The following PHYH variants were observed in gnomAD, a reference collection of about 807,000 sequenced individuals.
PHYH encodes phytanoyl-CoA 2-hydroxylase, also known as phytanoyl-CoA dioxygenase, peroxisomal.
A neutral mutation model predicts 38.5 loss-of-function variants in PHYH; 32 were observed. The observed-to-expected ratio is 0.83, with a 90% confidence interval of 0.63 to 1.12. PHYH has a LOEUF of 1.12. PHYH is among the 50% of genes most tolerant of loss of function. The pLI is 0.00. For synonymous variants in PHYH, 166 were observed against 157.9 expected (o/e 1.05, Z -0.38); for missense variants, 426 against 434.8 (o/e 0.98, Z 0.18).
chr10:13,292,075 C>T (rs1835725888), intron 4 of PHYH, among the ~76,000 whole-genome samples, 163 bp from the exon 5 acceptor site: 1 of 152,192 alleles, frequency 6.6e-6, no homozygotes, highest in Non-Finnish European at 1.5e-5. Context: ...AAAACCCAGC[C>T]ATTGGAAATC....
In PHYH at chr10:13,295,162, A is replaced by C. The variant is rs1835812068; in HGVS notation, c.245+334T>G. On this transcript the variant is annotated intron_variant, in intron 3 of 8. Coordinates refer to ENST00000263038, the MANE Select transcript of PHYH (RefSeq NM_006214.4). ...ACATAGTGAGACTCCCTGTCTCTAA[A>C]AACAAAGAAATAAAAAATTAGCTGG... The C allele has an allele frequency of 3.7e-5, 11 of 294,886 alleles. No individual in the cohort carries two copies. In the South Asian group the frequency reaches 4.0e-4, roughly 11 times the overall value. 18.3% of individuals were successfully genotyped at this position (294,886 alleles called of 1,614,324 possible). A position where few individuals can be genotyped will look rare whatever the true frequency, so the allele number is the denominator to read the frequency against.
chr10:13,291,900 C>T lies in PHYH; in HGVS notation c.427G>A (p.Val143Met), dbSNP rs1564426198. Residue 143 changes from valine to methionine, a missense_variant, in exon 5 of 9, where the codon GTG (valine) becomes ATG (methionine). Val to Met is a conservative substitution (Grantham distance 21, BLOSUM62 1). Coordinates refer to ENST00000263038, the MANE Select transcript of PHYH (RefSeq NM_006214.4). ...YCTLPEILKY[V>M]ECFTGPNIMA... ...ATATTAGGTCCAGTGAAGCACTCCA[C>T]ATATTTCAGAATCTAAGAAAGCAAA... is the stretch of plus-strand genomic sequence containing the variant. 4 of 1,599,094 alleles carry T rather than the reference C, an allele frequency of 2.5e-6. No individual in the cohort carries two copies. Among genetic ancestry groups the T allele is most frequent in the Non-Finnish European group, 3.4e-6 (4 of 1,168,640 alleles).
chr10:13,283,131 A>ATTTT (rs398012850), intron 7 of PHYH, among the ~76,000 whole-genome samples: 12,037 of 117,632 alleles, frequency 0.1, 1,058 homozygotes, highest in African/African-American at 0.16. Flanking sequence ...TTCATAATCA[A>ATTTT]TTTTTTTTTT....
chr10:13,284,718 T>G (rs1035669555), intron 6 of PHYH, among the ~76,000 whole-genome samples: 7 of 152,198 alleles, frequency 4.6e-5, no homozygotes, highest in African/African-American at 1.7e-4. Context: ...TGTAACTATT[T>G]CCCAAATTAG....
chr10:13,294,381 A>G, intron 4 of PHYH, 47 bp downstream of exon 4: 2 of 1,587,392 alleles, frequency 1.3e-6, no homozygotes, highest in Non-Finnish European at 1.7e-6. Flanking sequence ...ACAGGCAGAC[A>G]TACACACTGG....
chr10:13,296,872 T>G (rs990606330), intron 2 of PHYH, among the ~76,000 whole-genome samples: 1 of 149,962 alleles, frequency 6.7e-6, no homozygotes, highest in African/African-American at 2.5e-5. Flanking sequence ...GAGAATGGCG[T>G]GAACCCGGGA....
At chr10:13,294,674 T>C (rs74120553) in intron 3 of PHYH, 78 bp from the exon 4 acceptor site, 1 of 1,304,304 alleles carries the variant, frequency 7.7e-7, no homozygotes, top group African/African-American at 1.4e-5. Flanking sequence ...TGGAAAGGGT[T>C]GCAGACTTGA....
chr10:13,295,078 C>T (rs562414690), intron 3 of PHYH: 10 of 278,624 alleles, frequency 3.6e-5, no homozygotes, highest in South Asian at 1.2e-4. Flanking sequence ...TGGTGGCTCC[C>T]GACTGTAATC....
intron 4 of PHYH, among the ~76,000 whole-genome samples, chr10:13,292,422 C>A (rs1835734733): frequency 6.6e-6 from 1 of 152,176 alleles, no homozygotes; most frequent in South Asian, 2.1e-4. Context: ...AATGGGGAAG[C>A]AAGAGTGAAC....
chr10:13,295,042 G>A, intron 3 of PHYH: 2 of 294,348 alleles, frequency 6.8e-6, no homozygotes, highest in South Asian at 6.8e-5. Flanking sequence ...ATATTAAGTG[G>A]TGGAGCTGAG....
intron 2 of PHYH, among the ~76,000 whole-genome samples, chr10:13,296,564 G>GAAA (rs1219238482): frequency 0.018 from 1,248 of 68,230 alleles, 19 homozygotes; most frequent in Non-Finnish European, 0.032. Flanking sequence ...CTCCATCTCA[G>GAAA]AAAAAAAAAA....
intron 4 of PHYH, among the ~76,000 whole-genome samples, chr10:13,292,913 A>G (rs1835747847): frequency 7.1e-6 from 1 of 140,618 alleles, no homozygotes; most frequent in Non-Finnish European, 1.5e-5. Context: ...AGCCTGGGCA[A>G]CAAGAGTGAG....
Position 13,288,519 on chromosome 10 carries a change from G to A in PHYH, c.519C>T (p.Pro173=), listed in dbSNP as rs764537504. Residue 173 remains proline (P), a synonymous_variant, in exon 6 of 9, where the codon CCC becomes CCT. Transcript: ENST00000263038. ...GGAAATAGTGCAGGTCCTGGTGCAG[G>A]GGGTGACGGGACGTCTTCTTGCCTG... ...PDSGKKTSRH[P]LHQDLHYFPF... 14 of 1,614,036 alleles carry A rather than the reference G, an allele frequency of 8.7e-6. No homozygotes were observed. Among genetic ancestry groups the A allele is most frequent in the Middle Eastern group, 3.3e-4 (2 of 6,050 alleles).
chr10:13,293,632 TTTTC>T (rs1234801112), intron 4 of PHYH, among the ~76,000 whole-genome samples: 6 of 151,990 alleles, frequency 3.9e-5, no homozygotes, highest in Non-Finnish European at 7.4e-5. Context: ...ATCTTTGTTT[TTTTC>T]TTTTTTTCCA....
chr10:13,283,192 G>A (rs368563902), intron 7 of PHYH, among the ~76,000 whole-genome samples: 2 of 143,750 alleles, frequency 1.4e-5, no homozygotes, highest in East Asian at 4.1e-4. Flanking sequence ...GCAGTGGCGC[G>A]ATCTCGGCTC....
chr10:13,277,877 A>T lies in PHYH; in HGVS notation c.*424T>A. On this transcript the variant is annotated 3_prime_UTR_variant, in exon 9 of 9. Coordinates refer to ENST00000263038, the MANE Select transcript of PHYH (RefSeq NM_006214.4). ...TTGACTAGATGTGAATGTATTATAC[A>T]TTGTTCTAGATTTGGGGGAAAAAAA... 1 of 291,662 alleles carries T rather than the reference A, an allele frequency of 3.4e-6. No homozygotes were observed. Among genetic ancestry groups the T allele is most frequent in the East Asian group, 9.0e-5 (1 of 11,090 alleles). The allele number at this position is 291,662 out of a possible 1,614,324, so 18.1% of individuals were successfully genotyped here. A position where few individuals can be genotyped will look rare whatever the true frequency, so the allele number is the denominator to read the frequency against.
intron 7 of PHYH, among the ~76,000 whole-genome samples, chr10:13,283,278 C>A (rs559467682): frequency 3.3e-5 from 5 of 152,024 alleles, no homozygotes; most frequent in Non-Finnish European, 7.4e-5. Context: ...TACAGGCGCC[C>A]GCCACCTCGC....
chr10:13,278,291 G>A lies in PHYH; in HGVS notation c.*10C>T. ...GTTTTCTGTTGAAAGAGTTATAGCAGATGGCTATTTCAAAGATTGGTTCTT... is the reference window on the plus strand; with the variant it reads ...GTTTTCTGTTGAAAGAGTTATAGCAAATGGCTATTTCAAAGATTGGTTCTT... On this transcript the variant is annotated 3_prime_UTR_variant, in exon 9 of 9. Transcript: ENST00000263038. The A allele has an allele frequency of 1.9e-6, 3 of 1,594,390 alleles. No individual in the cohort carries two copies. The highest frequency in any genetic ancestry group is 1.1e-5 in the South Asian group (1 of 90,676).
At position 13,296,375 on chromosome 10, in the gene PHYH, G is replaced by A. The variant is rs538287274; in HGVS notation, c.135-769C>T. 4.0e-5 allele frequency among the ~76,000 whole-genome samples: 6 copies of A among 151,132 alleles called. No individual in the cohort carries two copies. The South Asian group carries it at 8.4e-4, about 21-fold the overall frequency. ...GTGGATCACCTGAGGTCGGGAGTTCGAGACCAGCCTGACTCACATGATGAA... is the reference window on the plus strand; with the variant it reads ...GTGGATCACCTGAGGTCGGGAGTTCAAGACCAGCCTGACTCACATGATGAA... On this transcript the variant is annotated intron_variant, in intron 2 of 8. Coordinates refer to ENST00000263038, the MANE Select transcript of PHYH (RefSeq NM_006214.4).
Sources: gnomAD v4.1 joint callset for allele counts (sites outside exome capture counted in the v4.1 genomes callset) on GRCh38, gnomAD v4.1.1 for gene constraint, MANE v1.5 for transcripts, NCBI Gene and HGNC (gene_info 2026-07-23, HGNC 2026-07-21) for gene names.